DOCK4: variants seen among roughly 807,000 people sequenced by gnomAD.
DOCK4 encodes the protein dedicator of cytokinesis 4.
DOCK4 carries 97 observed loss-of-function variants against 268.1 expected under a neutral mutation model. That is an observed-to-expected ratio of 0.36 (90% CI 0.31 to 0.43). The LOEUF (loss-of-function observed/expected upper bound fraction) is 0.43. Ranked by LOEUF, DOCK4 falls within the 20% of genes least tolerant of loss-of-function variation. DOCK4 has a pLI of 1.00. For missense variants in DOCK4, 2,145 were observed against 2,455.7 expected, an observed-to-expected ratio of 0.87 and a Z score of 2.67; for synonymous variants, 954 against 887.2, an observed-to-expected ratio of 1.08 and a Z score of -1.34.
intron 27 of DOCK4, among the ~76,000 whole-genome samples, chr7:111,819,024 A>G (rs571096275): frequency 1.3e-5 from 2 of 152,312 alleles, no homozygotes; most frequent in East Asian, 1.9e-4. Flanking sequence ...GGGTCAGTAA[A>G]TGAATGGACA....
chr7:111,742,209 TTAC>T, intron 44 of DOCK4, 77 bp from the exon 45 acceptor site: 1 of 1,413,658 alleles, frequency 7.1e-7, no homozygotes, highest in Non-Finnish European at 9.3e-7. Context: ...GCCGAGCACT[TTAC>T]TACGCATTTC....
At chr7:111,905,285 GAA>G (rs1184359675) in intron 13 of DOCK4, among the ~76,000 whole-genome samples, 3 of 152,224 alleles carry the variant, frequency 2.0e-5, no homozygotes, top group Admixed American at 6.5e-5. Context: ...GCACCCGTGT[GAA>G]AAGCTATTTC....
intron 1 of DOCK4, among the ~76,000 whole-genome samples, chr7:112,119,604 T>A (rs10276517): frequency 0.041 from 6,242 of 152,196 alleles, 269 homozygotes; most frequent in East Asian, 0.2. Context: ...ACACAGCCCT[T>A]TCATAAGGAA....
chr7:112,193,044 C>T lies in DOCK4; in HGVS notation c.37+13058G>A, dbSNP rs563127323. Among the ~76,000 whole-genome samples the T allele has an allele frequency of 2.6e-5, 4 of 152,208 alleles. No individual in the cohort carries two copies. The East Asian group carries it at 7.7e-4, about 29-fold the overall frequency. ...AAAACAAAGTACTCCTAACCCAATG[C>T]CCCAACCAAAGTTTCATATAATAAA... On this transcript the variant is annotated intron_variant, in intron 1 of 52. Coordinates refer to ENST00000428084, the MANE Select transcript of DOCK4 (RefSeq NM_001363540.2).
At chr7:111,936,653 A>G (rs946287118) in intron 11 of DOCK4, among the ~76,000 whole-genome samples, 1 of 152,140 alleles carries the variant, frequency 6.6e-6, no homozygotes, top group Admixed American at 6.5e-5. Context: ...TCATCTGAAC[A>G]TATGTGTAAA....
At chr7:111,869,119 G>A (rs1030986959) in intron 21 of DOCK4, among the ~76,000 whole-genome samples, 1 of 152,116 alleles carries the variant, frequency 6.6e-6, no homozygotes, top group Non-Finnish European at 1.5e-5. Context: ...TGTGGGCAGC[G>A]TTAAGCCACA....
At chr7:112,147,386 A>G (rs1282247096) in intron 1 of DOCK4, among the ~76,000 whole-genome samples, 4 of 152,216 alleles carry the variant, frequency 2.6e-5, no homozygotes, top group African/African-American at 9.6e-5. Context: ...CCACATTTTA[A>G]GCACAGACAT....
chr7:111,867,793 C>G (rs527859933), intron 22 of DOCK4, among the ~76,000 whole-genome samples, 191 bp downstream of exon 22: 21 of 152,200 alleles, frequency 1.4e-4, no homozygotes, highest in Non-Finnish European at 2.4e-4. Flanking sequence ...GAAAGGCAAC[C>G]CACTTCTGCT....
At chr7:111,737,205 GTAT>G (rs1407848668) in intron 49 of DOCK4, among the ~76,000 whole-genome samples, 2 of 152,102 alleles carry the variant, frequency 1.3e-5, no homozygotes, top group Non-Finnish European at 2.9e-5. Context: ...GGAAAAGTTT[GTAT>G]TATATTTTAA....
intron 37 of DOCK4, among the ~76,000 whole-genome samples, chr7:111,768,320 A>G (rs1797892938): frequency 6.6e-6 from 1 of 152,138 alleles, no homozygotes; most frequent in Non-Finnish European, 1.5e-5. Context: ...TTACAGCAGG[A>G]GGGCACAAAA....
At chr7:112,004,246 A>G in intron 1 of DOCK4, 115 bp from the exon 2 acceptor site, 2 of 738,848 alleles carry the variant, frequency 2.7e-6, no homozygotes, top group Admixed American at 5.9e-5. Context: ...GATAGCTGGA[A>G]CCCTCTGTCA....
chr7:111,986,397 G>A lies in DOCK4; in HGVS notation c.465-2007C>T, dbSNP rs571506916. The stretch of plus-strand genomic sequence containing the variant: ...GTTCAGCTTCTGTTAGCTTCCTGGC[G>A]TCCTGGTTATGTGAAGAGTCTTATT... On this transcript the variant is annotated intron_variant, in intron 6 of 52. Coordinates refer to ENST00000428084, the MANE Select transcript of DOCK4 (RefSeq NM_001363540.2). 1.3e-4 allele frequency among the ~76,000 whole-genome samples: 20 copies of A among 152,202 alleles called. 1 individual carries two copies. The highest frequency in any genetic ancestry group is 3.4e-3 in the Middle Eastern group (1 of 294).
chr7:112,176,807 T>C (rs1818562245), intron 1 of DOCK4, among the ~76,000 whole-genome samples: 1 of 152,176 alleles, frequency 6.6e-6, no homozygotes, highest in South Asian at 2.1e-4. Context: ...TTGCACATAA[T>C]ATAAAACTGA....
At chr7:112,060,710 A>G (rs1388403684) in intron 1 of DOCK4, among the ~76,000 whole-genome samples, 1 of 152,256 alleles carries the variant, frequency 6.6e-6, no homozygotes, top group Non-Finnish European at 1.5e-5. Flanking sequence ...AACTGAAATA[A>G]GCCAGGCACA....
chr7:112,029,800 A>G (rs1803121562), intron 1 of DOCK4, among the ~76,000 whole-genome samples: 1 of 152,248 alleles, frequency 6.6e-6, no homozygotes, highest in African/African-American at 2.4e-5. Flanking sequence ...TTAGAAGTAT[A>G]AACTACTGAT....
chr7:111,767,520 C>T (rs766003814), intron 37 of DOCK4, among the ~76,000 whole-genome samples: 14 of 152,036 alleles, frequency 9.2e-5, no homozygotes, highest in Non-Finnish European at 1.5e-4. Context: ...CCACCGCGCC[C>T]GTCCACTTCT....
At chr7:112,021,833 G>A (rs895541927) in intron 1 of DOCK4, among the ~76,000 whole-genome samples, 3 of 151,990 alleles carry the variant, frequency 2.0e-5, no homozygotes, top group African/African-American at 7.3e-5. Flanking sequence ...GAGTTTCTTC[G>A]CCCTGCGCTT....
intron 17 of DOCK4, among the ~76,000 whole-genome samples, chr7:111,876,294 A>C: frequency 6.6e-6 from 1 of 152,126 alleles, no homozygotes; most frequent in East Asian, 1.9e-4. Flanking sequence ...TGAGACTATG[A>C]TCTAAAAGAA....
chr7:111,938,197 G>A (rs1447873394), intron 11 of DOCK4, among the ~76,000 whole-genome samples: 2 of 152,206 alleles, frequency 1.3e-5, no homozygotes, highest in African/African-American at 2.4e-5. Context: ...GAGGGATGAA[G>A]AGAGTTACCG....
Sources: allele counts gnomAD v4.1 joint callset (sites outside exome capture counted in the v4.1 genomes callset), GRCh38; gene constraint gnomAD v4.1.1; transcripts MANE v1.5; gene names NCBI Gene and HGNC (gene_info 2026-07-23, HGNC 2026-07-21).